ATXN7: variants seen among roughly 807,000 people sequenced by gnomAD.
The protein encoded by ATXN7 is ataxin-7.
In ATXN7, 12 loss-of-function variants were observed where a neutral mutation model predicts 70.5. The observed-to-expected ratio is 0.17, with a 90% CI of 0.11 to 0.28. ATXN7 has a LOEUF of 0.28. Ranked by LOEUF, ATXN7 falls within the 10% of genes least tolerant of loss-of-function variation. ATXN7 has a pLI of 1.00. For missense variants in ATXN7, 1,256 were observed against 1,131.7 expected, an observed-to-expected ratio of 1.11 and a Z score of -1.58; for synonymous variants, 498 against 448.7, an observed-to-expected ratio of 1.11 and a Z score of -1.39.
At chr3:63,976,765 G>A (rs143313389) in intron 5 of ATXN7, among the ~76,000 whole-genome samples, 249 of 152,216 alleles carry the variant, frequency 1.6e-3, no homozygotes, top group Admixed American at 4.2e-3. Flanking sequence ...GCAAAATTAC[G>A]CAACAAAAAC....
At chr3:63,945,271 G>C (rs772997739) in intron 4 of ATXN7, among the ~76,000 whole-genome samples, 9 of 152,214 alleles carry the variant, frequency 5.9e-5, no homozygotes, top group Non-Finnish European at 1.0e-4. Flanking sequence ...TGCTCACATA[G>C]CTAGTAAGAG....
chr3:63,952,939 A>C (rs2074981099), intron 5 of ATXN7, among the ~76,000 whole-genome samples: 1 of 149,674 alleles, frequency 6.7e-6, no homozygotes. Context: ...AAGAATCCAA[A>C]TACAGTTAGT....
chr3:63,934,356 G>A (rs2074618602), intron 4 of ATXN7, among the ~76,000 whole-genome samples: 1 of 152,108 alleles, frequency 6.6e-6, no homozygotes, highest in African/African-American at 2.4e-5. Context: ...GGTTTTCTGG[G>A]TTCTTGGGGG....
At chr3:63,910,138 C>T (rs759938618) in intron 2 of ATXN7, among the ~76,000 whole-genome samples, 6 of 152,152 alleles carry the variant, frequency 3.9e-5, no homozygotes, top group Non-Finnish European at 7.4e-5. Context: ...AGTTGAAGTA[C>T]TCTAAATTGC....
intron 9 of ATXN7, among the ~76,000 whole-genome samples, chr3:63,989,346 A>G (rs1385964819): frequency 6.6e-6 from 1 of 152,208 alleles, no homozygotes; most frequent in Non-Finnish European, 1.5e-5. Context: ...AAAATACATT[A>G]CTGCCCTTGA....
chr3:63,992,660 T>C (rs2075690632), intron 11 of ATXN7, among the ~76,000 whole-genome samples: 1 of 152,176 alleles, frequency 6.6e-6, no homozygotes. Flanking sequence ...AGTAAGATCA[T>C]AAGGTCGACT....
intron 2 of ATXN7, among the ~76,000 whole-genome samples, chr3:63,910,229 G>C (rs569234010): frequency 6.6e-6 from 1 of 152,298 alleles, no homozygotes; most frequent in East Asian, 1.9e-4. Context: ...GTCAAGCAAT[G>C]TCTTGAGGAA....
intron 1 of ATXN7, among the ~76,000 whole-genome samples, chr3:63,886,962 G>C (rs2107235916): frequency 6.6e-6 from 1 of 152,266 alleles, no homozygotes; most frequent in East Asian, 1.9e-4. Context: ...GCAGTCCCTT[G>C]AGTGGCATTT....
chr3:63,870,544 C>T (rs150897617), intron 1 of ATXN7, among the ~76,000 whole-genome samples: 38 of 152,168 alleles, frequency 2.5e-4, no homozygotes, highest in African/African-American at 6.0e-4. Flanking sequence ...ATTGTGTGGC[C>T]GCCTTAGCAC....
rs139871114 is a variant in ATXN7, at chr3:63,867,733, C to CA, written c.-111+3583dup. 7.7e-3 allele frequency among the ~76,000 whole-genome samples: 1,174 copies of CA among 151,588 alleles called. 12 individuals carry two copies. The highest frequency in any genetic ancestry group is 0.027 in the African/African-American group (1,133 of 41,334). ...TGAAACCCCATCTCTACCAAAAATA[C>CA]AAAAAAAATTATCTAGGCGTGGTGG... On this transcript the variant is annotated intron_variant, in intron 1 of 12. Transcript: ENST00000674280.
chr3:63,869,125 G>A (rs894705734), intron 1 of ATXN7, among the ~76,000 whole-genome samples: 9 of 152,132 alleles, frequency 5.9e-5, no homozygotes, highest in Admixed American at 3.9e-4. Context: ...AACCTTTCCT[G>A]TCATTTATTC....
At chr3:63,951,235 A>G (rs1256236464) in intron 4 of ATXN7, among the ~76,000 whole-genome samples, 1 of 152,112 alleles carries the variant, frequency 6.6e-6, no homozygotes, top group Non-Finnish European at 1.5e-5. Context: ...AATTCAAGCC[A>G]TAGCCATGTG....
At chr3:63,904,729 A>C (rs1023673657) in intron 2 of ATXN7, 1 of 152,150 alleles carries the variant, frequency 6.6e-6, no homozygotes, top group African/African-American at 2.4e-5. Context: ...CTCTGCTTTC[A>C]GTTCTTTTGA....
At chr3:63,878,372 C>G (rs1359180210) in intron 1 of ATXN7, 3 of 152,190 alleles carry the variant, frequency 2.0e-5, no homozygotes, top group Non-Finnish European at 4.4e-5. Context: ...AAGCGTTGGC[C>G]CCTCCATTCT....
At chr3:63,874,033 A>T (rs191500848) in intron 1 of ATXN7, among the ~76,000 whole-genome samples, 77 of 152,204 alleles carry the variant, frequency 5.1e-4, no homozygotes, top group Non-Finnish European at 9.0e-4. Flanking sequence ...CTTTAAAAGC[A>T]TTCTTGTGGC....
Position 63,940,508 on chromosome 3 carries a change from G to A in ATXN7, c.395-11871G>A, listed in dbSNP as rs148552471. The stretch of plus-strand genomic sequence containing the variant: ...TGTGGTGTTGCAATGAACAAAAGAA[G>A]GAATGGTATTCTTAACTGAGTCATG... On this transcript the variant is annotated intron_variant, in intron 4 of 12. Transcript: ENST00000674280. Among the ~76,000 whole-genome samples, 424 of 152,162 alleles carry A rather than the reference G, an allele frequency of 2.8e-3. 1 individual carries two copies. Among genetic ancestry groups the A allele is most frequent in the African/African-American group, 9.8e-3 (406 of 41,522 alleles).
chr3:63,948,225 T>A (rs1174700375), intron 4 of ATXN7, among the ~76,000 whole-genome samples: 1 of 152,128 alleles, frequency 6.6e-6, no homozygotes, highest in Non-Finnish European at 1.5e-5. Context: ...CTGGGTGTGC[T>A]AGTGGCCTGA....
In ATXN7 at chr3:63,964,073, A is replaced by AACACACACAC. The variant is rs10557844; in HGVS notation, c.499+11617_499+11626dup. Among the ~76,000 whole-genome samples, 303 of 147,176 alleles carry AACACACACAC rather than the reference A, an allele frequency of 2.1e-3. 1 individual carries two copies. Among genetic ancestry groups the AACACACACAC allele is most frequent in the African/African-American group, 6.8e-3 (274 of 40,190 alleles). ...TCTTACAATGTTCCTTAGACACATAAACACACACACACACACACACACACA... is the reference window on the plus strand; with the variant it reads ...TCTTACAATGTTCCTTAGACACATAAACACACACACACACACACACACACACACACACACA... On this transcript the variant is annotated intron_variant, in intron 5 of 12. Transcript: ENST00000674280.
At chr3:63,954,522 T>G (rs965670934) in intron 5 of ATXN7, among the ~76,000 whole-genome samples, 1 of 152,136 alleles carries the variant, frequency 6.6e-6, no homozygotes, top group African/African-American at 2.4e-5. Context: ...TGCAGATTTT[T>G]TAGAACCAGA....
Sources: gnomAD v4.1 joint callset for allele counts (sites outside exome capture counted in the v4.1 genomes callset) on GRCh38, gnomAD v4.1.1 for gene constraint, MANE v1.5 for transcripts, NCBI Gene and HGNC (gene_info 2026-07-23, HGNC 2026-07-21) for gene names.